PPFIA2: variants seen among roughly 807,000 people sequenced by gnomAD.
The protein encoded by PPFIA2 is PPFI scaffold protein A2, also known as liprin-alpha-2.
In PPFIA2, 46 loss-of-function variants were observed where a neutral mutation model predicts 175.5. The ratio of observed to expected loss-of-function variants is 0.26; its 90% CI spans 0.21 to 0.34. PPFIA2 has a LOEUF of 0.34. Ranked by LOEUF, PPFIA2 falls within the 10% of genes least tolerant of loss-of-function variation. The probability of loss-of-function intolerance (pLI) is 1.00; values close to 1 mark genes in which losing one functional copy is unlikely to be tolerated. For missense variants in PPFIA2, 1,179 were observed against 1,506.1 expected, an observed-to-expected ratio of 0.78 and a Z score of 3.60; for synonymous variants, 568 against 511.4, an observed-to-expected ratio of 1.11 and a Z score of -1.49.
intron 4 of PPFIA2, among the ~76,000 whole-genome samples, chr12:81,578,775 C>A (rs540620872): frequency 4.0e-4 from 60 of 151,808 alleles, no homozygotes; most frequent in Middle Eastern, 3.4e-3. Flanking sequence ...CCATCTGATT[C>A]AAATCTCACA....
intron 4 of PPFIA2, among the ~76,000 whole-genome samples, chr12:81,668,405 A>G (rs545060484): frequency 2.0e-5 from 3 of 152,214 alleles, no homozygotes; most frequent in African/African-American, 2.4e-5. Flanking sequence ...TGGAGAAGAA[A>G]CAAACATCTG....
intron 19 of PPFIA2, among the ~76,000 whole-genome samples, chr12:81,342,361 C>T (rs145262725): frequency 7.7e-4 from 117 of 152,106 alleles, no homozygotes; most frequent in Middle Eastern, 6.8e-3. Context: ...GAAAAAAGTT[C>T]TTAGTATGGC....
chr12:81,266,292 A>ATTTCT (rs2037235454), intron 30 of PPFIA2, among the ~76,000 whole-genome samples: 1 of 152,208 alleles, frequency 6.6e-6, no homozygotes, highest in Non-Finnish European at 1.5e-5. Context: ...AGAAAAACTC[A>ATTTCT]GAAAGACTAT....
rs530540413 is a variant in PPFIA2 at position 81,450,011 on chromosome 12, T to A, written c.406-4291A>T. 4.6e-5 allele frequency among the ~76,000 whole-genome samples: 7 copies of A among 152,272 alleles called. No homozygotes were observed. In the South Asian group the frequency reaches 1.2e-3, roughly 27 times the overall value. ...TGCATAGTATTCCATGGTTTATATG[T>A]GCCACATTTTCTCAATCCAGTCTAT... On this transcript the variant is annotated intron_variant, in intron 5 of 32. Coordinates refer to ENST00000549396, the MANE Select transcript of PPFIA2 (RefSeq NM_003625.5).
Position 81,362,674 on chromosome 12 carries a change from G to A in PPFIA2, c.1637+19C>T. The A allele has an allele frequency of 6.7e-7, 1 of 1,481,826 alleles. No individual in the cohort carries two copies. Among genetic ancestry groups the A allele is most frequent in the Non-Finnish European group, 9.2e-7 (1 of 1,085,844 alleles). 91.8% of individuals were successfully genotyped at this position (1,481,826 alleles called of 1,614,324 possible). A position where few individuals can be genotyped will look rare whatever the true frequency, so the allele number is the denominator to read the frequency against. On this transcript the variant is annotated intron_variant, in intron 15 of 32. Coordinates refer to ENST00000549396, the MANE Select transcript of PPFIA2 (RefSeq NM_003625.5). ...TTGATTTTCAGTGAATTATAGATAA[G>A]CTTTTAGTTTAATGTTACCTTGGTA...
intron 23 of PPFIA2, 59 bp downstream of exon 23, chr12:81,299,241 CA>C (rs1179900255): frequency 3.7e-5 from 56 of 1,495,348 alleles, no homozygotes; most frequent in South Asian, 6.5e-5. Context: ...TTACCTGTCT[CA>C]AAAAAATTAT....
intron 4 of PPFIA2, among the ~76,000 whole-genome samples, chr12:81,669,434 T>A (rs145947419): frequency 1.3e-5 from 2 of 152,040 alleles, no homozygotes; most frequent in African/African-American, 2.4e-5. Flanking sequence ...GGAACTCATA[T>A]GCCAAGTATT....
intron 3 of PPFIA2, among the ~76,000 whole-genome samples, chr12:81,705,761 T>C: frequency 6.6e-6 from 1 of 152,196 alleles, no homozygotes; most frequent in Non-Finnish European, 1.5e-5. Context: ...TGCATGACTG[T>C]CTCATCAGCC....
intron 4 of PPFIA2, among the ~76,000 whole-genome samples, chr12:81,470,332 T>C (rs570943148): frequency 3.3e-5 from 5 of 152,304 alleles, no homozygotes; most frequent in African/African-American, 1.2e-4. Flanking sequence ...TGGAAAGCTG[T>C]TCCACATCAT....
chr12:81,731,254 G>A (rs2080865235), intron 3 of PPFIA2, among the ~76,000 whole-genome samples: 1 of 151,722 alleles, frequency 6.6e-6, no homozygotes, highest in Non-Finnish European at 1.5e-5. Flanking sequence ...GTTAAAGGAA[G>A]GCTATATCTG....
chr12:81,438,058 C>T (rs753706210), intron 7 of PPFIA2, among the ~76,000 whole-genome samples: 1 of 151,974 alleles, frequency 6.6e-6, no homozygotes, highest in Admixed American at 6.6e-5. Context: ...GCCTTTAATT[C>T]ACATAGAGTT....
chr12:81,337,160 T>C (rs572044822), intron 21 of PPFIA2, among the ~76,000 whole-genome samples: 111 of 152,238 alleles, frequency 7.3e-4, no homozygotes, highest in African/African-American at 2.5e-3. Flanking sequence ...AGTAAAGACT[T>C]TGTTCTTTTT....
intron 4 of PPFIA2, among the ~76,000 whole-genome samples, chr12:81,671,274 C>T (rs111335214): frequency 0.012 from 1,897 of 152,022 alleles, 16 homozygotes; most frequent in South Asian, 0.022. Context: ...AAACAACCAC[C>T]TATTCTTGTA....
chr12:81,295,819 CATA>C (rs951389540), intron 23 of PPFIA2, among the ~76,000 whole-genome samples: 2 of 147,036 alleles, frequency 1.4e-5, no homozygotes, highest in African/African-American at 5.0e-5. Flanking sequence ...GGTGAAACAT[CATA>C]ATACTAAAAA....
rs1163900334 is a variant in PPFIA2 at position 81,642,650 on chromosome 12, GTATGTATCTATTATATACA to G, written c.303+34122_303+34140del. ...CTATATATCTATTATATACATACAT[GTATGTATCTATTATATACA>G]TACATGTATGTATCTATTATATACA... On this transcript the variant is annotated intron_variant, in intron 4 of 32. Coordinates refer to ENST00000549396, the MANE Select transcript of PPFIA2 (RefSeq NM_003625.5). Among the ~76,000 whole-genome samples the G allele has an allele frequency of 2.8e-3, 301 of 109,454 alleles. 26 individuals carry two copies. The highest frequency in any genetic ancestry group is 8.9e-3 in the African/African-American group (294 of 33,040). The allele number at this position is 109,454 out of a possible 152,430, so 71.8% of individuals were successfully genotyped here. A position where few individuals can be genotyped will look rare whatever the true frequency, so the allele number is the denominator to read the frequency against.
chr12:81,667,120 T>C (rs2070480091), intron 4 of PPFIA2, among the ~76,000 whole-genome samples: 1 of 152,148 alleles, frequency 6.6e-6, no homozygotes, highest in Non-Finnish European at 1.5e-5. Context: ...TTAACCATTC[T>C]ACATCACCAA....
chr12:81,321,976 T>C lies in PPFIA2; in HGVS notation c.2642+3801A>G, dbSNP rs1358688745. Among the ~76,000 whole-genome samples the C allele has an allele frequency of 3.3e-5, 5 of 152,234 alleles. No individual in the cohort carries two copies. In the East Asian group the frequency reaches 9.7e-4, roughly 29 times the overall value. ...CAGCCTTAGGAGTAGCTAGGCTACA[T>C]GCACATGCCATCATGTCTGTCTAAT... On this transcript the variant is annotated intron_variant, in intron 22 of 32. Transcript: ENST00000549396.
At chr12:81,320,901 G>A (rs1438165925) in intron 22 of PPFIA2, among the ~76,000 whole-genome samples, 1 of 151,998 alleles carries the variant, frequency 6.6e-6, no homozygotes, top group Non-Finnish European at 1.5e-5. Context: ...GTGTAGAAAT[G>A]TGAGTCCTCT....
intron 4 of PPFIA2, among the ~76,000 whole-genome samples, chr12:81,551,094 C>G (rs1488565324): frequency 1.3e-5 from 2 of 151,486 alleles, no homozygotes; most frequent in South Asian, 2.1e-4. Context: ...AAACACATTA[C>G]AGTGAGTGGA....
Sources: allele counts gnomAD v4.1 joint callset (sites outside exome capture counted in the v4.1 genomes callset), GRCh38; gene constraint gnomAD v4.1.1; transcripts MANE v1.5; gene names NCBI Gene and HGNC (gene_info 2026-07-23, HGNC 2026-07-21).